The following ZNF469 variants were observed in gnomAD, a reference collection of about 807,000 sequenced individuals.
ZNF469 encodes the protein zinc finger protein 469.
A neutral mutation model predicts 1.0 loss-of-function variants in ZNF469; 1 was observed. That is an observed-to-expected ratio of 1.00 (90% CI 0.35 to 4.73). ZNF469 has a LOEUF of 4.73. Ranked by LOEUF, ZNF469 falls within the 30% of genes most tolerant of loss-of-function variation. The pLI, the probability that ZNF469 is intolerant of heterozygous loss-of-function variation, is 0.16. For synonymous variants in ZNF469, 2,703 were observed against 2,363.4 expected, an observed-to-expected ratio of 1.14 and a Z score of -4.17; for missense variants, 6,100 against 5,356.3, an observed-to-expected ratio of 1.14 and a Z score of -4.33.
chr16:88,357,119 G>A, the ZNF469 span, among the ~76,000 whole-genome samples: 1 of 152,240 alleles, frequency 6.6e-6, no homozygotes, highest in African/African-American at 2.4e-5. Context: ...CTTGGCTGGA[G>A]GGGTTGGAGG....
the ZNF469 span, among the ~76,000 whole-genome samples, chr16:88,231,290 G>A: frequency 1.3e-5 from 2 of 152,216 alleles, no homozygotes; most frequent in Admixed American, 1.3e-4. This position sits in a 1 kb window ranked among gnomAD's most constrained non-coding sequence, Gnocchi z 4.5. Context: ...GTGCTGAAAA[G>A]GTTTGGGCGG....
At chr16:88,239,690 T>C in the ZNF469 span, among the ~76,000 whole-genome samples, 10 of 5,614 alleles carry the variant, frequency 1.8e-3, 1 homozygote, top group African/African-American at 8.2e-3. Flanking sequence ...TATATATATA[T>C]ATATATATAT....
chr16:88,129,241 G>C, the ZNF469 span, among the ~76,000 whole-genome samples: 27 of 152,264 alleles, frequency 1.8e-4, no homozygotes, highest in African/African-American at 6.3e-4. Context: ...CGAGCCTCAG[G>C]CTCCTCATCT....
chr16:88,403,043 C>A (rs970174375), intron 1 of ZNF469, among the ~76,000 whole-genome samples: 1 of 152,226 alleles, frequency 6.6e-6, no homozygotes, highest in African/African-American at 2.4e-5. Context: ...AGACATGGTG[C>A]ATCCAGGCAC....
At chr16:88,155,190 T>G in the ZNF469 span, among the ~76,000 whole-genome samples, 1 of 152,206 alleles carries the variant, frequency 6.6e-6, no homozygotes, top group African/African-American at 2.4e-5. Context: ...GAGTGGGCCA[T>G]GGAGCGCAGC....
the ZNF469 span, among the ~76,000 whole-genome samples, chr16:88,243,303 G>A: frequency 6.6e-6 from 1 of 152,180 alleles, no homozygotes. Context: ...CTCAGTCATG[G>A]ATGCCTGTAC....
chr16:88,428,089 G>T lies in ZNF469; in HGVS notation c.619G>T (p.Ala207Ser), dbSNP rs1368416296. 1 of 1,549,776 alleles carries T rather than the reference G, an allele frequency of 6.5e-7. No individual in the cohort carries two copies. Among genetic ancestry groups the T allele is most frequent in the Non-Finnish European group, 8.7e-7 (1 of 1,146,800 alleles). ...ACCAAGCGCCACCCCCAGGCCCCCA[G>T]CCCCGGGGCCCCCCCAGAGCAGGGG... is the stretch of plus-strand genomic sequence containing the variant. Reference protein sequence around the residue: ...TSPSATPRPPAPGPPQSRGTS... With the variant: ...TSPSATPRPPSPGPPQSRGTS... Residue 207 changes from alanine (A) to serine (S), a missense_variant, in exon 3 of 3, where the codon GCC becomes TCC. Transcript: ENST00000565624.
At chr16:88,120,864 G>A in the ZNF469 span, among the ~76,000 whole-genome samples, 24 of 152,298 alleles carry the variant, frequency 1.6e-4, no homozygotes, top group African/African-American at 5.3e-4. Context: ...GGCTGGCTGC[G>A]TCCACTGGAG....
the ZNF469 span, among the ~76,000 whole-genome samples, chr16:88,187,651 A>G: frequency 1.3e-5 from 2 of 152,064 alleles, no homozygotes; most frequent in South Asian, 4.1e-4. Context: ...AAACGCTGGA[A>G]GAATCCCAAA....
the ZNF469 span, among the ~76,000 whole-genome samples, chr16:88,264,494 G>A: frequency 7.0e-6 from 1 of 142,874 alleles, no homozygotes; most frequent in African/African-American, 2.7e-5. Flanking sequence ...CTCCCCACCT[G>A]TGCATGTTCA....
chr16:88,410,807 C>T (rs1030887851), intron 1 of ZNF469, among the ~76,000 whole-genome samples: 10 of 152,200 alleles, frequency 6.6e-5, no homozygotes, highest in African/African-American at 1.4e-4. Context: ...GTAAAGTTCA[C>T]GGTGGAGGTC....
the ZNF469 span, among the ~76,000 whole-genome samples, chr16:88,109,938 G>T: frequency 6.6e-6 from 1 of 152,240 alleles, no homozygotes. Flanking sequence ...TTGAGTAAAT[G>T]TGAGTGGGTG....
chr16:88,239,676 T>C, the ZNF469 span, among the ~76,000 whole-genome samples: 3 of 3,814 alleles, frequency 7.9e-4, no homozygotes, highest in African/African-American at 4.3e-3. Flanking sequence ...TGTATATATA[T>C]ATATATATAT....
At chr16:88,336,105 C>T in the ZNF469 span, among the ~76,000 whole-genome samples, 1,009 of 150,368 alleles carry the variant, frequency 6.7e-3, 9 homozygotes, top group African/African-American at 0.023. Context: ...TCATCCTTCA[C>T]GTGAGACACT....
chr16:88,344,572 C>T, the ZNF469 span, among the ~76,000 whole-genome samples: 1 of 152,226 alleles, frequency 6.6e-6, no homozygotes, highest in African/African-American at 2.4e-5. Flanking sequence ...AAGAGGGGCA[C>T]ATTGCACTGG....
chr16:88,185,056 C>T, the ZNF469 span, among the ~76,000 whole-genome samples: 8 of 149,938 alleles, frequency 5.3e-5, no homozygotes, highest in East Asian at 2.0e-4. Context: ...CAGACACCCA[C>T]GCACAGACAC....
At chr16:88,309,049 AC>A in the ZNF469 span, among the ~76,000 whole-genome samples, 1 of 152,038 alleles carries the variant, frequency 6.6e-6, no homozygotes, top group African/African-American at 2.4e-5. Context: ...CAGGGCCCAG[AC>A]CCACGTCCCG....
Position 88,436,145 on chromosome 16 carries a change from A to G in ZNF469, c.8675A>G (p.Gln2892Arg), listed in dbSNP as rs1906556380. ...CEKPVLPLPT[Q>R]PSFEEGGDPT... ...AAGCCGGTGCTCCCGCTGCCAACCC[A>G]GCCCAGCTTTGAGGAGGGCGGTGAC... Residue 2892 changes from glutamine (Q) to arginine (R), a missense_variant, in exon 3 of 3, where the codon CAG becomes CGG. Physicochemically the swap from Gln to Arg is conservative, Grantham distance 43. Transcript: ENST00000565624. 6.5e-7 allele frequency: 1 copy of G among 1,548,208 alleles called. No individual in the cohort carries two copies. Among genetic ancestry groups the G allele is most frequent in the Non-Finnish European group, 8.7e-7 (1 of 1,146,964 alleles).
the ZNF469 span, among the ~76,000 whole-genome samples, chr16:88,325,739 G>A: frequency 6.6e-6 from 1 of 152,220 alleles, no homozygotes; most frequent in Non-Finnish European, 1.5e-5. Flanking sequence ...AGGACAGACA[G>A]GGCCTTGCCA....
Sources: gnomAD v4.1 joint callset for allele counts (sites outside exome capture counted in the v4.1 genomes callset) on GRCh38, gnomAD v4.1.1 for gene constraint, Gnocchi (gnomAD v3.1) non-coding constraint, MANE v1.5 for transcripts, NCBI Gene and HGNC (gene_info 2026-07-23, HGNC 2026-07-21) for gene names.